RPLP2: variants seen among roughly 807,000 people sequenced by gnomAD.
RPLP2 encodes large ribosomal subunit protein P2.
A neutral mutation model predicts 11.5 loss-of-function variants in RPLP2; 1 was observed. That is an observed-to-expected ratio of 0.09 (90% CI 0.03 to 0.41). The LOEUF (loss-of-function observed/expected upper bound fraction) is 0.41. RPLP2 is among the 10% of genes least tolerant of loss of function. The pLI, the probability that RPLP2 is intolerant of heterozygous loss-of-function variation, is 0.98. For synonymous variants in RPLP2, 82 were observed against 55.9 expected (o/e 1.47, Z -2.08); for missense variants, 177 against 145.6 (o/e 1.22, Z -1.11).
In RPLP2 at chr11:812,784, A is replaced by C. The variant is rs770830613; in HGVS notation, c.296A>C (p.Lys99Thr). The C allele has an allele frequency of 1.2e-6, 2 of 1,613,834 alleles. No individual in the cohort carries two copies. Reference protein sequence around the residue: ...AAAEEKKDEKKEESEESDDDM... With the variant: ...AAAEEKKDEKTEESEESDDDM... ...GCAGAGGAGAAGAAAGATGAGAAGA[A>C]GGAGGAGTCTGAAGAGTCAGATGAT... Residue 99 changes from lysine (K) to threonine (T), a missense_variant, in exon 5 of 5, where the codon AAG becomes ACG. Transcript: ENST00000321153.
intron 3 of RPLP2, 126 bp downstream of exon 3, chr11:811,771 G>C (rs1298643950): frequency 1.6e-6 from 2 of 1,220,464 alleles, no homozygotes; most frequent in African/African-American, 1.5e-5. Flanking sequence ...CGAGGAGTGA[G>C]CAGGGCTCCA....
chr11:811,092 A>G (rs1866033972), intron 2 of RPLP2, among the ~76,000 whole-genome samples: 1 of 151,162 alleles, frequency 6.6e-6, no homozygotes, highest in South Asian at 2.1e-4. Context: ...CGGGAGAATC[A>G]TTTGAGCCTT....
intron 2 of RPLP2, among the ~76,000 whole-genome samples, chr11:810,820 C>T (rs1866015155): frequency 6.9e-6 from 1 of 145,328 alleles, no homozygotes; most frequent in South Asian, 2.2e-4. Flanking sequence ...AGGGTGGGTA[C>T]GAGGCAAAAT....
At chr11:810,876 G>C (rs1197764741) in intron 2 of RPLP2, among the ~76,000 whole-genome samples, 1 of 128,152 alleles carries the variant, frequency 7.8e-6, no homozygotes, top group Admixed American at 9.0e-5. Flanking sequence ...AGCTGCGTAA[G>C]ATTGCGTTAA....
At chr11:810,744 C>G (rs1866009422) in intron 2 of RPLP2, among the ~76,000 whole-genome samples, 2 of 150,514 alleles carry the variant, frequency 1.3e-5, no homozygotes, top group Admixed American at 6.6e-5. Flanking sequence ...ACGGATCGTG[C>G]CACTGTACTC....
intron 2 of RPLP2, 150 bp downstream of exon 2, chr11:810,507 G>A (rs1284140642): frequency 9.4e-6 from 7 of 748,164 alleles, no homozygotes; most frequent in African/African-American, 7.4e-5. Flanking sequence ...AGTAAGCCGG[G>A]CGGAGGTCGG....
At position 810,954 on chromosome 11, in the gene RPLP2, G is replaced by A. The variant is rs562889895; in HGVS notation, c.123+597G>A. ...GGGAGGCCATGGCGAGTGGATTATTGGAGCCTTGAAGTTCGAGACTGGTCT... is the reference window on the plus strand; with the variant it reads ...GGGAGGCCATGGCGAGTGGATTATTAGAGCCTTGAAGTTCGAGACTGGTCT... On this transcript the variant is annotated intron_variant, in intron 2 of 4. Transcript: ENST00000321153. Among the ~76,000 whole-genome samples the A allele has an allele frequency of 6.7e-4, 99 of 148,376 alleles. No individual in the cohort carries two copies. The Middle Eastern group carries it at 0.017, about 26-fold the overall frequency.
Position 810,370 on chromosome 11 carries a change from C to A in RPLP2, c.123+13C>A. 6.2e-7 allele frequency: 1 copy of A among 1,601,832 alleles called. No homozygotes were observed. Reference sequence around the variant, plus strand: ...CCGGCTCAACAAGGTAGCGGCCGCCCTTGCCCCGCAGCCGCCGTGGGGCCC... The same window carrying A: ...CCGGCTCAACAAGGTAGCGGCCGCCATTGCCCCGCAGCCGCCGTGGGGCCC... On this transcript the variant is annotated intron_variant, in intron 2 of 4. Transcript: ENST00000321153.
intron 2 of RPLP2, 132 bp downstream of exon 2, chr11:810,489 G>A: frequency 1.1e-6 from 1 of 904,268 alleles, no homozygotes; most frequent in Non-Finnish European, 1.6e-6. Flanking sequence ...CGATTTCTTG[G>A]ATAGAGAAGT....
chr11:811,254 T>G, intron 2 of RPLP2: 2 of 342,744 alleles, frequency 5.8e-6, no homozygotes, highest in East Asian at 6.7e-5. Flanking sequence ...GCCCGGGAGG[T>G]CAAGGCTGCA....
At position 810,309 on chromosome 11, in the gene RPLP2, G is replaced by A. The variant is rs1165288752; in HGVS notation, c.75G>A (p.Lys25=). 6.2e-7 allele frequency: 1 copy of A among 1,609,498 alleles called. No homozygotes were observed. Among genetic ancestry groups the A allele is most frequent in the East Asian group, 2.3e-5 (1 of 44,432 alleles). Residue 25 remains lysine, a synonymous_variant, in exon 2 of 5, where the codon AAG becomes AAA. Transcript: ENST00000321153. ...NSSPSAKDIK[K]ILDSVGIEAD... The stretch of plus-strand genomic sequence containing the variant: ...CCCCCAGCGCCAAGGACATCAAGAA[G>A]ATCTTGGACAGCGTGGGTATCGAGG...
intron 2 of RPLP2, among the ~76,000 whole-genome samples, chr11:810,672 T>A (rs1866006313): frequency 6.6e-6 from 1 of 151,828 alleles, no homozygotes; most frequent in African/African-American, 2.4e-5. Context: ...TGGGTGCCTG[T>A]AGTCCCCCTA....
At position 812,846 on chromosome 11, in the gene RPLP2, C is replaced by G; in HGVS notation, c.*10C>G. 6.2e-7 allele frequency: 1 copy of G among 1,612,306 alleles called. No homozygotes were observed. On this transcript the variant is annotated 3_prime_UTR_variant, in exon 5 of 5. Coordinates refer to ENST00000321153, the MANE Select transcript of RPLP2 (RefSeq NM_001004.4). ...TGGCCTTTTTGATTAAATTCCTGCTCCCCTGCAAATAAAGCCTTTTTACAC... is the reference window on the plus strand; with the variant it reads ...TGGCCTTTTTGATTAAATTCCTGCTGCCCTGCAAATAAAGCCTTTTTACAC...
chr11:810,884 T>TA (rs11306372), intron 2 of RPLP2, among the ~76,000 whole-genome samples: 60,265 of 141,186 alleles, frequency 0.43, 14,044 homozygotes, highest in Admixed American at 0.56. Flanking sequence ...AAGATTGCGT[T>TA]AAAAAAAAAA....
Position 812,521 on chromosome 11 carries a change from T to C in RPLP2, c.173-14T>C. 1 of 1,608,598 alleles carries C rather than the reference T, an allele frequency of 6.2e-7. No homozygotes were observed. The highest frequency in any genetic ancestry group is 8.5e-7 in the Non-Finnish European group (1 of 1,179,782). On this transcript the variant is annotated splice_polypyrimidine_tract_variant and intron_variant, in intron 3 of 4. Transcript: ENST00000321153. ...TGGGCAGCTGCTCTGGTCTCACCTC[T>C]CTGCTTTCTGTAGGTATTGGCAAGC...
intron 1 of RPLP2, 61 bp from the exon 2 acceptor site, chr11:810,173 G>C: frequency 1.4e-6 from 2 of 1,420,012 alleles, no homozygotes; most frequent in East Asian, 2.9e-5. Context: ...GCGGCCCCGG[G>C]ATGGGCCGGC....
At chr11:811,859 T>A (rs747477570) in intron 3 of RPLP2, 2 of 766,656 alleles carry the variant, frequency 2.6e-6, no homozygotes, top group African/African-American at 3.4e-5. Context: ...TCAGCAGACG[T>A]TTAGGTGGCC....
chr11:811,037 G>A (rs1031682117), intron 2 of RPLP2, among the ~76,000 whole-genome samples: 7 of 151,616 alleles, frequency 4.6e-5, no homozygotes, highest in Non-Finnish European at 8.8e-5. Context: ...AATGGTTGGA[G>A]GCAGTGGTGC....
chr11:811,670 G>A (rs183817748), intron 3 of RPLP2, 25 bp downstream of exon 3: 6 of 1,614,056 alleles, frequency 3.7e-6, no homozygotes, highest in African/African-American at 2.7e-5. Flanking sequence ...ACGGGCTTTC[G>A]TTTGTTTTCA....
Sources: gnomAD v4.1 joint callset for allele counts (sites outside exome capture counted in the v4.1 genomes callset) on GRCh38, gnomAD v4.1.1 for gene constraint, MANE v1.5 for transcripts, NCBI Gene and HGNC (gene_info 2026-07-23, HGNC 2026-07-21) for gene names.